ASAP1: variants seen among roughly 807,000 people sequenced by gnomAD.
ASAP1 encodes the protein arf-GAP with SH3 domain, ANK repeat and PH domain-containing protein 1.
Under a neutral mutation model 145.2 loss-of-function variants are expected in ASAP1, and 43 were observed. That is an observed-to-expected ratio of 0.30 (90% confidence interval 0.23 to 0.38). The LOEUF (loss-of-function observed/expected upper bound fraction) is 0.38. Among genes scored for constraint, ASAP1 ranks in the 10% least tolerant of loss-of-function variants. The probability of loss-of-function intolerance (pLI) is 1.00; values close to 1 mark genes in which losing one functional copy is unlikely to be tolerated. For missense variants in ASAP1, 1,018 were observed against 1,355.3 expected, an observed-to-expected ratio of 0.75 and a Z score of 3.91; for synonymous variants, 546 against 515.5, an observed-to-expected ratio of 1.06 and a Z score of -0.80.
chr8:130,194,171 G>C (rs542598056), intron 5 of ASAP1, among the ~76,000 whole-genome samples: 1 of 152,040 alleles, frequency 6.6e-6, no homozygotes, highest in Non-Finnish European at 1.5e-5. Context: ...CAATGAAAAG[G>C]CTACAGGAAA....
intron 4 of ASAP1, among the ~76,000 whole-genome samples, chr8:130,217,153 A>G (rs1816977619): frequency 6.6e-6 from 1 of 152,210 alleles, no homozygotes; most frequent in African/African-American, 2.4e-5. Flanking sequence ...GTTCTCTTGG[A>G]AGCATTTCAG....
intron 4 of ASAP1, among the ~76,000 whole-genome samples, chr8:130,221,939 G>A (rs921921066): frequency 2.0e-5 from 3 of 152,182 alleles, no homozygotes; most frequent in Admixed American, 2.0e-4. Context: ...GATACTGCAT[G>A]CCAAGTGCCT....
intron 3 of ASAP1, among the ~76,000 whole-genome samples, chr8:130,320,373 T>A (rs1419093914): frequency 6.6e-6 from 1 of 152,052 alleles, no homozygotes; most frequent in Non-Finnish European, 1.5e-5. Flanking sequence ...CTGAGCGACA[T>A]GACAAAACCC....
chr8:130,300,952 G>A (rs1822623289), intron 3 of ASAP1, among the ~76,000 whole-genome samples: 1 of 152,098 alleles, frequency 6.6e-6, no homozygotes, highest in Non-Finnish European at 1.5e-5. Context: ...CTCCCTCATT[G>A]CCATCCTATG....
intron 1 of ASAP1, among the ~76,000 whole-genome samples, chr8:130,428,642 TCAC>T (rs1362954143): frequency 2.2e-4 from 33 of 147,470 alleles, no homozygotes; most frequent in African/African-American, 5.8e-4. Context: ...ACTGTCATCA[TCAC>T]CACCATCATC....
At position 130,054,685 on chromosome 8, in the gene ASAP1, C is replaced by A. The variant is rs1188822514; in HGVS notation, c.*46G>T. 6.6e-7 allele frequency: 1 copy of A among 1,525,236 alleles called. No individual in the cohort carries two copies. Among genetic ancestry groups the A allele is most frequent in the Non-Finnish European group, 9.1e-7 (1 of 1,099,966 alleles). 94.5% of individuals were successfully genotyped at this position (1,525,236 alleles called of 1,614,324 possible). A position where few individuals can be genotyped will look rare whatever the true frequency, so the allele number is the denominator to read the frequency against. On this transcript the variant is annotated 3_prime_UTR_variant, in exon 30 of 30. Coordinates refer to ENST00000518721, the MANE Select transcript of ASAP1 (RefSeq NM_018482.4). ...TGTGCCCAGGGTTACATGAAGGCAG[C>A]AGTCTTGCATGAAGGATGTGGACAA...
At chr8:130,353,626 T>G (rs897911120) in intron 3 of ASAP1, among the ~76,000 whole-genome samples, 25 of 152,304 alleles carry the variant, frequency 1.6e-4, no homozygotes, top group African/African-American at 5.5e-4. Flanking sequence ...TCCCAGCACT[T>G]TGGAAGGCTA....
At chr8:130,058,280 C>T (rs796150422) in intron 28 of ASAP1, among the ~76,000 whole-genome samples, 2 of 152,184 alleles carry the variant, frequency 1.3e-5, no homozygotes, top group Non-Finnish European at 2.9e-5. Flanking sequence ...TCCTCTCCCC[C>T]CATCATCAGG....
At chr8:130,440,543 G>GAGCTTAA (rs1167760645) in intron 1 of ASAP1, among the ~76,000 whole-genome samples, 1 of 151,142 alleles carries the variant, frequency 6.6e-6, no homozygotes, top group Non-Finnish European at 1.5e-5. Context: ...TATCACTGCT[G>GAGCTTAA]AGCTTAAACT....
intron 2 of ASAP1, among the ~76,000 whole-genome samples, chr8:130,369,207 T>G (rs577255798): frequency 1.3e-5 from 2 of 152,372 alleles, no homozygotes; most frequent in East Asian, 3.8e-4. Context: ...TTTTTATTTC[T>G]GGAATGTTTA....
At chr8:130,156,039 G>A (rs2097657696) in intron 12 of ASAP1, among the ~76,000 whole-genome samples, 1 of 152,150 alleles carries the variant, frequency 6.6e-6, no homozygotes, top group Non-Finnish European at 1.5e-5. Flanking sequence ...AGACAGTAAT[G>A]CCCACTTTCG....
intron 3 of ASAP1, among the ~76,000 whole-genome samples, chr8:130,283,971 T>G (rs1046941715): frequency 2.0e-5 from 3 of 151,878 alleles, no homozygotes; most frequent in African/African-American, 7.3e-5. Context: ...GGCCTAAGAG[T>G]GGGTATTGCA....
Position 130,271,084 on chromosome 8 carries a change from G to C in ASAP1, c.187-34090C>G, listed in dbSNP as rs555075846. On this transcript the variant is annotated intron_variant, in intron 3 of 29. Coordinates refer to ENST00000518721, the MANE Select transcript of ASAP1 (RefSeq NM_018482.4). ...GATGGCCCACTGATCAGGAGAGCCT[G>C]CTGCCGGGCTGCTCTGATTTGGTCT... is the stretch of plus-strand genomic sequence containing the variant. Among the ~76,000 whole-genome samples, 130 of 152,344 alleles carry C rather than the reference G, an allele frequency of 8.5e-4. 1 individual carries two copies. Among genetic ancestry groups the C allele is most frequent in the African/African-American group, 3.1e-3 (127 of 41,582 alleles).
In ASAP1 at chr8:130,214,048, G is replaced by A. The variant is rs142026769; in HGVS notation, c.405+508C>T. On this transcript the variant is annotated intron_variant, in intron 5 of 29. Transcript: ENST00000518721. Reference sequence around the variant, plus strand: ...AATCTCAAAACCCTTTTCTTGGTTGGGGGTTAAAAGGATGTGGGGAGTTGA... The same window carrying A: ...AATCTCAAAACCCTTTTCTTGGTTGAGGGTTAAAAGGATGTGGGGAGTTGA... 3.1e-3 allele frequency among the ~76,000 whole-genome samples: 465 copies of A among 152,268 alleles called. 3 individuals are homozygous for A. Among genetic ancestry groups the A allele is most frequent in the African/African-American group, 9.5e-3 (394 of 41,552 alleles).
chr8:130,120,199 G>C (rs573289419), intron 18 of ASAP1, among the ~76,000 whole-genome samples: 9 of 152,246 alleles, frequency 5.9e-5, no homozygotes, highest in East Asian at 3.8e-4. Flanking sequence ...AGGATGGCTA[G>C]AGCCTGATGA....
intron 3 of ASAP1, among the ~76,000 whole-genome samples, chr8:130,347,597 GACCACCATCACC>G (rs1463152397): frequency 1.3e-5 from 2 of 152,114 alleles, no homozygotes; most frequent in East Asian, 3.8e-4. Flanking sequence ...CTCCTCTGAG[GACCACCATCACC>G]CCCAGGCTGA....
intron 1 of ASAP1, among the ~76,000 whole-genome samples, chr8:130,442,776 T>C (rs1426880092): frequency 6.6e-6 from 1 of 152,146 alleles, no homozygotes; most frequent in African/African-American, 2.4e-5. Context: ...TCTTGGGATG[T>C]ATCAAACCGC....
chr8:130,181,177 A>C (rs1274605452), intron 7 of ASAP1, among the ~76,000 whole-genome samples: 1 of 152,196 alleles, frequency 6.6e-6, no homozygotes, highest in Non-Finnish European at 1.5e-5. Context: ...ATTAATTCCT[A>C]AAGTTAAAAG....
chr8:130,425,148 A>G (rs892646963), intron 1 of ASAP1, among the ~76,000 whole-genome samples: 2 of 152,088 alleles, frequency 1.3e-5, no homozygotes, highest in African/African-American at 2.4e-5. Flanking sequence ...CCTGGCCAAC[A>G]TGGCCAAATC....
Sources: allele counts gnomAD v4.1 joint callset (sites outside exome capture counted in the v4.1 genomes callset), GRCh38; gene constraint gnomAD v4.1.1; transcripts MANE v1.5; gene names NCBI Gene and HGNC (gene_info 2026-07-23, HGNC 2026-07-21).